PLGRKT: variants seen among roughly 807,000 people sequenced by gnomAD.
PLGRKT encodes the protein plasminogen receptor (KT).
A neutral mutation model predicts 18.5 loss-of-function variants in PLGRKT; 22 were observed. The ratio of observed to expected loss-of-function variants is 1.19; its 90% confidence interval spans 0.85 to 1.70. The LOEUF (loss-of-function observed/expected upper bound fraction) is 1.70, where lower values mean the gene tolerates loss of function less well. PLGRKT is among the 40% of genes most tolerant of loss of function. PLGRKT has a pLI of 0.00. For synonymous variants in PLGRKT, 72 were observed against 52.8 expected (o/e 1.36, Z -1.58); for missense variants, 235 against 174.4 (o/e 1.35, Z -1.96).
rs564909787 is a variant in PLGRKT, at chr9:5,419,531, CCACAAAAAAAGA to C, written c.81+12354_81+12365del. Among the ~76,000 whole-genome samples, 377 of 152,208 alleles carry C rather than the reference CCACAAAAAAAGA, an allele frequency of 2.5e-3. 1 individual carries two copies. Among genetic ancestry groups the C allele is most frequent in the South Asian group, 6.8e-3 (33 of 4,832 alleles). On this transcript the variant is annotated intron_variant, in intron 3 of 5. Coordinates refer to ENST00000223864, the MANE Select transcript of PLGRKT (RefSeq NM_018465.4). Reference sequence around the variant, plus strand: ...CCCTATGGCCAGCGGCCGCCGCGAGCCACAAAAAAAGACACAAAAAAGACTAGAACTGACATT... The same window carrying C: ...CCCTATGGCCAGCGGCCGCCGCGAGCCACAAAAAAGACTAGAACTGACATT...
intron 3 of PLGRKT, among the ~76,000 whole-genome samples, chr9:5,410,194 A>T (rs923800302): frequency 3.3e-5 from 5 of 152,214 alleles, no homozygotes; most frequent in African/African-American, 1.2e-4. Flanking sequence ...TTTACACTAC[A>T]TTATACAATC....
At chr9:5,367,768 C>T (rs181146283) in intron 3 of PLGRKT, among the ~76,000 whole-genome samples, 112 of 152,114 alleles carry the variant, frequency 7.4e-4, no homozygotes, top group Middle Eastern at 3.4e-3. Context: ...AGAGCTTCTG[C>T]CCAACAACAA....
intron 3 of PLGRKT, among the ~76,000 whole-genome samples, chr9:5,378,641 C>G (rs1817678339): frequency 6.6e-6 from 1 of 152,044 alleles, no homozygotes; most frequent in South Asian, 2.1e-4. Context: ...GAGTTGTACA[C>G]TTTAACATTG....
At chr9:5,407,688 T>C (rs1818282712) in intron 3 of PLGRKT, among the ~76,000 whole-genome samples, 1 of 152,020 alleles carries the variant, frequency 6.6e-6, no homozygotes, top group African/African-American at 2.4e-5. Context: ...GCTTTGCAAA[T>C]CCACACCTAA....
intron 1 of PLGRKT, 104 bp downstream of exon 1, chr9:5,437,685 G>A (rs528113846): frequency 6.6e-6 from 1 of 152,430 alleles, no homozygotes; most frequent in South Asian, 2.1e-4. Context: ...ACGAGGAGCG[G>A]GCGCCCAGCG....
intron 3 of PLGRKT, among the ~76,000 whole-genome samples, chr9:5,367,528 C>A (rs2224577): frequency 1.3e-5 from 2 of 151,960 alleles, no homozygotes; most frequent in Non-Finnish European, 2.9e-5. Flanking sequence ...GGGATAACTT[C>A]CTAGCTATAT....
chr9:5,386,505 C>T (rs1468081440), intron 3 of PLGRKT, among the ~76,000 whole-genome samples: 2 of 151,768 alleles, frequency 1.3e-5, no homozygotes, highest in Non-Finnish European at 2.9e-5. Flanking sequence ...CACACACACA[C>T]AACAAAACAA....
chr9:5,385,903 T>C (rs1262425620), intron 3 of PLGRKT, among the ~76,000 whole-genome samples: 1 of 151,906 alleles, frequency 6.6e-6, no homozygotes, highest in Non-Finnish European at 1.5e-5. Context: ...GCATGCTTAT[T>C]GCCCATTAGC....
At chr9:5,415,974 G>A (rs1818451266) in intron 3 of PLGRKT, among the ~76,000 whole-genome samples, 1 of 151,368 alleles carries the variant, frequency 6.6e-6, no homozygotes, top group Non-Finnish European at 1.5e-5. Flanking sequence ...AAAATCAGTG[G>A]TTAATAGTAT....
At chr9:5,428,703 G>T (rs1205780482) in intron 3 of PLGRKT, among the ~76,000 whole-genome samples, 1 of 151,762 alleles carries the variant, frequency 6.6e-6, no homozygotes, top group Admixed American at 6.6e-5. Context: ...TATTGTTATT[G>T]TTTTGGTTTT....
chr9:5,405,851 T>C (rs1191944730), intron 3 of PLGRKT, among the ~76,000 whole-genome samples: 1 of 152,112 alleles, frequency 6.6e-6, no homozygotes, highest in Non-Finnish European at 1.5e-5. Flanking sequence ...ATTTTTGCAA[T>C]CTATCCATCT....
chr9:5,367,067 A>ACACAC (rs1286566339), intron 3 of PLGRKT, among the ~76,000 whole-genome samples: 2 of 138,846 alleles, frequency 1.4e-5, no homozygotes, highest in African/African-American at 5.1e-5. Context: ...ACACACACAC[A>ACACAC]CCCCTAGGAA....
intron 3 of PLGRKT, among the ~76,000 whole-genome samples, chr9:5,363,280 T>C (rs1034683169): frequency 6.6e-6 from 1 of 151,920 alleles, no homozygotes; most frequent in Non-Finnish European, 1.5e-5. Context: ...CCTAAGGGCA[T>C]GTGGCCATGT....
intron 3 of PLGRKT, among the ~76,000 whole-genome samples, chr9:5,377,383 T>C (rs1471308966): frequency 2.6e-5 from 4 of 152,074 alleles, no homozygotes; most frequent in Non-Finnish European, 1.5e-5. Flanking sequence ...AGTTCACTCA[T>C]TATACTAAAA....
intron 3 of PLGRKT, among the ~76,000 whole-genome samples, chr9:5,419,287 C>A (rs1232871529): frequency 6.6e-6 from 1 of 152,248 alleles, no homozygotes; most frequent in Non-Finnish European, 1.5e-5. Context: ...ATCCTCCAAA[C>A]TGAATCTGTC....
At chr9:5,394,054 T>C (rs893077940) in intron 3 of PLGRKT, among the ~76,000 whole-genome samples, 2 of 151,926 alleles carry the variant, frequency 1.3e-5, no homozygotes, top group Non-Finnish European at 2.9e-5. Context: ...CTAGTGTTGC[T>C]ATTTTTATCA....
intron 3 of PLGRKT, among the ~76,000 whole-genome samples, chr9:5,421,866 G>C (rs1818581978): frequency 6.6e-6 from 1 of 152,214 alleles, no homozygotes; most frequent in Non-Finnish European, 1.5e-5. Context: ...ATTAGCCAAA[G>C]ATGGGATAAC....
At chr9:5,377,958 T>A (rs1212196949) in intron 3 of PLGRKT, among the ~76,000 whole-genome samples, 13 of 152,166 alleles carry the variant, frequency 8.5e-5, no homozygotes, top group Admixed American at 8.5e-4. Context: ...ACACCATGCT[T>A]CGTCCCAGAG....
chr9:5,412,207 T>C (rs1818379114), intron 3 of PLGRKT, among the ~76,000 whole-genome samples: 2 of 152,192 alleles, frequency 1.3e-5, no homozygotes, highest in South Asian at 2.1e-4. Context: ...GGGGTAAAGA[T>C]AGACTTCTTA....
Sources: gnomAD v4.1 joint callset for allele counts (sites outside exome capture counted in the v4.1 genomes callset) on GRCh38, gnomAD v4.1.1 for gene constraint, MANE v1.5 for transcripts, NCBI Gene and HGNC (gene_info 2026-07-23, HGNC 2026-07-21) for gene names.